The following C11orf65 variants were observed in gnomAD, a reference collection of about 807,000 sequenced individuals.
C11orf65 encodes protein MFI.
A neutral mutation model predicts 35.3 loss-of-function variants in C11orf65; 38 were observed. That is an observed-to-expected ratio of 1.08 (90% CI 0.83 to 1.41). The LOEUF (loss-of-function observed/expected upper bound fraction) is 1.41. C11orf65 is among the 40% of genes most tolerant of loss of function. The probability of loss-of-function intolerance (pLI) is 0.00; values close to 1 mark genes in which losing one functional copy is unlikely to be tolerated. For missense variants in C11orf65, 370 were observed against 367.1 expected (o/e 1.01, Z -0.06); for synonymous variants, 105 against 114.4 (o/e 0.92, Z 0.53).
At chr11:108,362,330 A>G (rs2090866510) in intron 2 of C11orf65, among the ~76,000 whole-genome samples, 2 of 151,568 alleles carry the variant, frequency 1.3e-5, no homozygotes, top group South Asian at 4.2e-4. Flanking sequence ...GAGAAATAGG[A>G]ACCCTTTTAC....
chr11:108,465,257 C>T (rs1045406011), intron 1 of C11orf65, among the ~76,000 whole-genome samples: 1 of 152,158 alleles, frequency 6.6e-6, no homozygotes, highest in Non-Finnish European at 1.5e-5. Flanking sequence ...TCTGCATACA[C>T]CTGCTTCCTG....
At position 108,442,636 on chromosome 11, in the gene C11orf65, ACT is replaced by A. The variant is rs572400236; in HGVS notation, c.82-10800_82-10799del. 3.1e-3 allele frequency among the ~76,000 whole-genome samples: 467 copies of A among 152,306 alleles called. 1 individual carries two copies. The highest frequency in any genetic ancestry group is 0.011 in the African/African-American group (442 of 41,558). On this transcript the variant is annotated intron_variant, in intron 2 of 8. Coordinates refer to ENST00000393084, the MANE Select transcript of C11orf65 (RefSeq NM_152587.5). ...AATAACAGCGGATCTCTCAGCAGAA[ACT>A]CTACAAGCCAGAAGACAGTGGGGGC...
intron 3 of C11orf65, chr11:108,334,901 A>G: frequency 6.6e-7 from 1 of 1,520,430 alleles, no homozygotes; most frequent in Non-Finnish European, 9.1e-7. Context: ...TGCCATTTAT[A>G]ATGTATTTTT....
intron 2 of C11orf65, among the ~76,000 whole-genome samples, chr11:108,457,010 G>A (rs762103601): frequency 1.3e-5 from 2 of 152,134 alleles, no homozygotes; most frequent in Non-Finnish European, 2.9e-5. Context: ...AATAGATCTT[G>A]GCGGTTTGAA....
At chr11:108,412,383 C>T (rs535879025) in intron 3 of C11orf65, among the ~76,000 whole-genome samples, 1 of 151,738 alleles carries the variant, frequency 6.6e-6, no homozygotes, top group South Asian at 2.1e-4. Flanking sequence ...ATATCAATAA[C>T]TTTAAATGTC....
chr11:108,330,392 G>C (rs1565530187), downstream of C11orf65: 6 of 1,614,098 alleles, frequency 3.7e-6, no homozygotes, highest in Non-Finnish European at 5.1e-6. Flanking sequence ...TGAAAATTCT[G>C]GAGTTTCTGA....
intron 3 of C11orf65, among the ~76,000 whole-genome samples, chr11:108,414,274 C>T (rs2092699702): frequency 6.6e-6 from 1 of 151,758 alleles, no homozygotes; most frequent in African/African-American, 2.4e-5. Context: ...GATGGTTACT[C>T]TTCATGGACA....
At chr11:108,463,619 C>T (rs1285925519) in intron 1 of C11orf65, among the ~76,000 whole-genome samples, 1 of 152,118 alleles carries the variant, frequency 6.6e-6, no homozygotes, top group African/African-American at 2.4e-5. Flanking sequence ...TTACTTAACT[C>T]ACTCAAACTT....
At chr11:108,383,253 C>A in intron 8 of C11orf65, 78 bp from the exon 9 acceptor site, 1 of 1,203,682 alleles carries the variant, frequency 8.3e-7, no homozygotes, top group Non-Finnish European at 1.2e-6. Flanking sequence ...GTGTTGTGGT[C>A]TGTTCCACAT....
chr11:108,456,086 T>C (rs570798196), intron 2 of C11orf65, among the ~76,000 whole-genome samples: 4 of 151,432 alleles, frequency 2.6e-5, no homozygotes, highest in South Asian at 4.2e-4. Context: ...ACCTGGGAGG[T>C]GGAGATTTCA....
At chr11:108,345,708 A>G (rs2088253781) in intron 2 of C11orf65, 4 of 1,455,828 alleles carry the variant, frequency 2.7e-6, no homozygotes, top group Non-Finnish European at 3.7e-6. Context: ...TGAACACAAT[A>G]TTGAAAAATA....
chr11:108,359,454 C>T (rs2137583949), intron 2 of C11orf65, among the ~76,000 whole-genome samples: 1 of 152,200 alleles, frequency 6.6e-6, no homozygotes, highest in South Asian at 2.1e-4. Context: ...ACCTAATAGA[C>T]ATCTACAGAA....
chr11:108,386,095 C>T (rs1430058523), intron 7 of C11orf65, 120 bp from the exon 8 acceptor site: 4 of 787,404 alleles, frequency 5.1e-6, no homozygotes, highest in Non-Finnish European at 8.5e-6. Context: ...CACTAGCCTC[C>T]ATGTGTAACT....
intron 2 of C11orf65, among the ~76,000 whole-genome samples, chr11:108,452,897 A>G (rs2093366909): frequency 6.6e-6 from 1 of 151,454 alleles, no homozygotes; most frequent in South Asian, 2.1e-4. Context: ...AACTATCACA[A>G]GGACAGAAAA....
At chr11:108,395,128 C>T (rs2092275287) in intron 6 of C11orf65, among the ~76,000 whole-genome samples, 1 of 145,096 alleles carries the variant, frequency 6.9e-6, no homozygotes, top group Admixed American at 6.8e-5. Flanking sequence ...GAGACCTTAA[C>T]TCTTAAAAAA....
Position 108,354,002 on chromosome 11 carries a change from G to A in C11orf65, c.227-18710C>T, listed in dbSNP as rs937220945. 50 of 998,180 alleles carry A rather than the reference G, an allele frequency of 5.0e-5. 1 individual carries two copies. The highest frequency in any genetic ancestry group is 2.1e-4 in the Middle Eastern group (1 of 4,738). The allele number at this position is 998,180 out of a possible 1,614,324, so 61.8% of individuals were successfully genotyped here. On this transcript the variant is annotated intron_variant, in intron 2 of 3. Coordinates refer to the C11orf65 transcript ENST00000524755. ...AGGCTGAAGTGGGAGGATTGTTTGAGCCCAGGAGTTTGAGTCCAGCCTAGG... is the reference window on the plus strand; with the variant it reads ...AGGCTGAAGTGGGAGGATTGTTTGAACCCAGGAGTTTGAGTCCAGCCTAGG...
intron 3 of C11orf65, among the ~76,000 whole-genome samples, chr11:108,418,750 A>G (rs529754638): frequency 1.1e-4 from 16 of 152,234 alleles, no homozygotes; most frequent in Admixed American, 9.2e-4. Context: ...AATAAACTCC[A>G]AAGAGACTGC....
At chr11:108,361,932 G>A (rs1411720778) in intron 2 of C11orf65, among the ~76,000 whole-genome samples, 1 of 144,888 alleles carries the variant, frequency 6.9e-6, no homozygotes, top group Non-Finnish European at 1.5e-5. Context: ...GGCAACAAAA[G>A]CCAAAATTGA....
chr11:108,380,140 G>A (rs915409171), downstream of C11orf65, among the ~76,000 whole-genome samples: 1 of 152,190 alleles, frequency 6.6e-6, no homozygotes, highest in Admixed American at 6.5e-5. Context: ...AGGTAGAGAC[G>A]TTCCCTACGA....
Sources: allele counts gnomAD v4.1 joint callset (sites outside exome capture counted in the v4.1 genomes callset), GRCh38; gene constraint gnomAD v4.1.1; transcripts MANE v1.5; gene names NCBI Gene and HGNC (gene_info 2026-07-23, HGNC 2026-07-21).